GCLC: variants seen among roughly 807,000 people sequenced by gnomAD.
The protein encoded by GCLC is glutamate--cysteine ligase catalytic subunit.
Under a neutral mutation model 81.5 loss-of-function variants are expected in GCLC, and 30 were observed. The ratio of observed to expected loss-of-function variants is 0.37; its 90% CI spans 0.28 to 0.50. The LOEUF is 0.50. GCLC is among the 20% of genes least tolerant of loss of function. The pLI is 0.96. For synonymous variants in GCLC, 262 were observed against 273.3 expected, an observed-to-expected ratio of 0.96 and a Z score of 0.41; for missense variants, 556 against 777.4, an observed-to-expected ratio of 0.72 and a Z score of 3.39.
intron 15 of GCLC, among the ~76,000 whole-genome samples, chr6:53,499,639 A>G (rs527599564): frequency 2.0e-5 from 3 of 152,336 alleles, no homozygotes; most frequent in East Asian, 3.9e-4. Context: ...ACTAACAAAG[A>G]AAGGGGATTC....
At chr6:53,499,454 G>A (rs1194190110) in intron 15 of GCLC, among the ~76,000 whole-genome samples, 1 of 152,170 alleles carries the variant, frequency 6.6e-6, no homozygotes, top group Non-Finnish European at 1.5e-5. Flanking sequence ...GGGTGAGGTA[G>A]GGTTCTACGG....
chr6:53,537,024 A>T (rs2127630435), intron 1 of GCLC, among the ~76,000 whole-genome samples: 1 of 152,366 alleles, frequency 6.6e-6, no homozygotes, highest in East Asian at 1.9e-4. Flanking sequence ...TGCATTTACA[A>T]CACTAAACTG....
intron 6 of GCLC, 52 bp from the exon 7 acceptor site, chr6:53,509,302 C>T (rs776411396): frequency 9.2e-7 from 1 of 1,086,476 alleles, no homozygotes; most frequent in African/African-American, 1.5e-5. Flanking sequence ...AGCATGCTCC[C>T]CAAGCAGTGA....
chr6:53,508,980 A>G (rs1764679373), intron 7 of GCLC, among the ~76,000 whole-genome samples, 196 bp downstream of exon 7: 1 of 152,194 alleles, frequency 6.6e-6, no homozygotes, highest in African/African-American at 2.4e-5. Context: ...TAACAAATCA[A>G]TGTTGTACTA....
At chr6:53,536,265 A>T (rs1487589656) in intron 1 of GCLC, among the ~76,000 whole-genome samples, 3 of 152,254 alleles carry the variant, frequency 2.0e-5, no homozygotes, top group African/African-American at 7.2e-5. Context: ...AAATCTAGAA[A>T]ATGCAAACTA....
At chr6:53,525,205 C>T (rs1160600865) in intron 1 of GCLC, among the ~76,000 whole-genome samples, 1 of 152,180 alleles carries the variant, frequency 6.6e-6, no homozygotes. Flanking sequence ...GAACTTTCTG[C>T]ACTAGTCCTC....
intron 12 of GCLC, among the ~76,000 whole-genome samples, chr6:53,503,924 C>T (rs1764562284): frequency 6.6e-6 from 1 of 152,186 alleles, no homozygotes; most frequent in Non-Finnish European, 1.5e-5. Flanking sequence ...AACATCTGCT[C>T]TACTGGTGAG....
chr6:53,528,608 G>GT (rs1330622237), intron 1 of GCLC, among the ~76,000 whole-genome samples: 2 of 152,020 alleles, frequency 1.3e-5, no homozygotes, highest in South Asian at 2.1e-4. Context: ...GAGAAAATAG[G>GT]TTTTTTTCCT....
chr6:53,505,690 T>C, intron 11 of GCLC, 113 bp downstream of exon 11: 1 of 779,146 alleles, frequency 1.3e-6, no homozygotes, highest in Admixed American at 1.9e-5. Flanking sequence ...ACCATGCACA[T>C]ACTTAATTTT....
intron 1 of GCLC, among the ~76,000 whole-genome samples, chr6:53,534,126 G>A (rs900278820): frequency 1.3e-5 from 2 of 152,118 alleles, no homozygotes; most frequent in African/African-American, 4.8e-5. Context: ...CACACAACCC[G>A]GGGTGACCCC....
rs1243237318 is a variant in GCLC at position 53,498,078 on chromosome 6, G to C, written c.*678C>G. On this transcript the variant is annotated 3_prime_UTR_variant, in exon 16 of 16. Transcript: ENST00000650454. ...TAATCTCCTTTCTTTCTATAGAGTT[G>C]TGTTTAAACTTAATTCCTGCATCAG... 6.6e-6 allele frequency: 1 copy of C among 152,242 alleles called. No individual in the cohort carries two copies. The highest frequency in any genetic ancestry group is 1.9e-4 in the East Asian group (1 of 5,162). 9.4% of individuals were successfully genotyped at this position (152,242 alleles called of 1,614,324 possible).
chr6:53,522,353 A>G, intron 2 of GCLC, 62 bp downstream of exon 2: 1 of 977,848 alleles, frequency 1.0e-6, no homozygotes, highest in South Asian at 1.3e-5. Flanking sequence ...ATTGAGAAAA[A>G]ACTCTATATT....
In GCLC at chr6:53,505,935, C is replaced by A. The variant is rs1764606494; in HGVS notation, c.1198-40G>T. 4.5e-6 allele frequency: 5 copies of A among 1,109,914 alleles called. No homozygotes were observed. The Admixed American group carries it at 5.0e-5, about 11-fold the overall frequency. 68.8% of individuals were successfully genotyped at this position (1,109,914 alleles called of 1,614,324 possible). On this transcript the variant is annotated intron_variant, in intron 10 of 15. Transcript: ENST00000650454. ...CAGAGAAGAAAACCAACTTTTCACA[C>A]ATCCAGGAAAATATTAAGATGATCT...
intron 1 of GCLC, chr6:53,522,885 C>A: frequency 4.1e-6 from 1 of 244,450 alleles, no homozygotes; most frequent in South Asian, 5.4e-5. Flanking sequence ...TTTATTTCCT[C>A]AGTTGGCTTA....
intron 1 of GCLC, among the ~76,000 whole-genome samples, chr6:53,541,420 C>T (rs546692073): frequency 6.6e-5 from 10 of 152,206 alleles, no homozygotes; most frequent in East Asian, 1.9e-4. Flanking sequence ...TCCTTTGTGT[C>T]GGGCAACTGT....
At chr6:53,525,795 C>T (rs574499463) in intron 1 of GCLC, among the ~76,000 whole-genome samples, 8 of 152,270 alleles carry the variant, frequency 5.3e-5, no homozygotes, top group South Asian at 2.1e-4. Context: ...TACCCACCGA[C>T]CTCTATTCTC....
At chr6:53,534,791 A>G (rs1239229346) in intron 1 of GCLC, among the ~76,000 whole-genome samples, 2 of 152,210 alleles carry the variant, frequency 1.3e-5, no homozygotes, top group African/African-American at 4.8e-5. Flanking sequence ...ACGAAAAACT[A>G]CAAAACACTG....
At chr6:53,536,776 G>A (rs1330359543) in intron 1 of GCLC, among the ~76,000 whole-genome samples, 1 of 152,176 alleles carries the variant, frequency 6.6e-6, no homozygotes, top group Non-Finnish European at 1.5e-5. Context: ...CAATCAATGA[G>A]TACATCTGCT....
At chr6:53,500,752 A>G in intron 12 of GCLC, 1 of 568,494 alleles carries the variant, frequency 1.8e-6, no homozygotes, top group African/African-American at 1.9e-5. Context: ...TTAAAACCCA[A>G]AACTTATATT....
Sources: gnomAD v4.1 joint callset for allele counts (sites outside exome capture counted in the v4.1 genomes callset) on GRCh38, gnomAD v4.1.1 for gene constraint, MANE v1.5 for transcripts, NCBI Gene and HGNC (gene_info 2026-07-23, HGNC 2026-07-21) for gene names.